The following ATXN10 variants were observed in gnomAD, a reference collection of about 807,000 sequenced individuals.
The protein encoded by ATXN10 is ataxin 10, also known as ataxin-10.
Under a neutral mutation model 52.9 loss-of-function variants are expected in ATXN10, and 28 were observed. The ratio of observed to expected loss-of-function variants is 0.53; its 90% CI spans 0.39 to 0.73. The LOEUF (loss-of-function observed/expected upper bound fraction) is 0.73, where lower values mean the gene tolerates loss of function less well. Among genes scored for constraint, ATXN10 ranks in the 30% least tolerant of loss-of-function variants. The pLI is 0.00. For missense variants in ATXN10, 565 were observed against 577.0 expected, an observed-to-expected ratio of 0.98 and a Z score of 0.21; for synonymous variants, 226 against 221.5, an observed-to-expected ratio of 1.02 and a Z score of -0.18.
rs1928702816 is a variant in ATXN10 at position 45,823,030 on chromosome 22, C to G, written c.1237+16008C>G. Reference sequence around the variant, plus strand: ...TCCCATCCATCTTTGTTCTTACTTTCCTCATGGTGTCTTATTATTTCATTG... The same window carrying G: ...TCCCATCCATCTTTGTTCTTACTTTGCTCATGGTGTCTTATTATTTCATTG... On this transcript the variant is annotated intron_variant, in intron 10 of 11. Coordinates refer to ENST00000252934, the MANE Select transcript of ATXN10 (RefSeq NM_013236.4). The surrounding 1 kb of genome is among the most constrained non-coding windows in gnomAD (Gnocchi z 4.9). The G allele has an allele frequency of 3.0e-6, 1 of 328,814 alleles. No individual in the cohort carries two copies. The highest frequency in any genetic ancestry group is 6.3e-6 in the Non-Finnish European group (1 of 158,350). The allele number at this position is 328,814 out of a possible 1,614,324, so 20.4% of individuals were successfully genotyped here.
intron 2 of ATXN10, 76 bp from the exon 3 acceptor site, chr22:45,692,920 T>C (rs1297918117): frequency 6.7e-6 from 8 of 1,186,006 alleles, no homozygotes; most frequent in African/African-American, 3.0e-5. Context: ...AGCTCTCCCA[T>C]TGTAGTGCAA....
rs1256821863 is a variant in ATXN10, at chr22:45,828,330, A to T, written c.1238-14661A>T. Among the ~76,000 whole-genome samples, 1 of 152,144 alleles carries T rather than the reference A, an allele frequency of 6.6e-6. No homozygotes were observed. The highest frequency in any genetic ancestry group is 1.5e-5 in the Non-Finnish European group (1 of 68,028). On this transcript the variant is annotated intron_variant, in intron 10 of 11. Coordinates refer to ENST00000252934, the MANE Select transcript of ATXN10 (RefSeq NM_013236.4). This position sits in a 1 kb window ranked among gnomAD's most constrained non-coding sequence, Gnocchi z 4.5. ...TTTATAGCTATAAATGCTTACATTA[A>T]AAAATAAGAAAGTTCAAAGAACTAG...
chr22:45,777,980 TA>T (rs1601640066), intron 9 of ATXN10, among the ~76,000 whole-genome samples: 1 of 152,218 alleles, frequency 6.6e-6, no homozygotes, highest in Admixed American at 6.5e-5. Context: ...TATTTGTAAA[TA>T]AAGTTTTATT....
chr22:45,699,056 G>A (rs1601594712), intron 3 of ATXN10, among the ~76,000 whole-genome samples: 1 of 152,064 alleles, frequency 6.6e-6, no homozygotes, highest in African/African-American at 2.4e-5. Context: ...AATTGCAGTG[G>A]TATGACGAAT....
chr22:45,764,447 A>T (rs960552174), intron 9 of ATXN10, among the ~76,000 whole-genome samples: 3 of 152,070 alleles, frequency 2.0e-5, no homozygotes, highest in African/African-American at 7.2e-5. Flanking sequence ...CTCAAAAGAC[A>T]TCTCCCTTGC....
chr22:45,812,441 T>TATGTGTGCGTGTGC (rs1474729539), intron 10 of ATXN10, among the ~76,000 whole-genome samples: 1 of 152,160 alleles, frequency 6.6e-6, no homozygotes, highest in Non-Finnish European at 1.5e-5. Context: ...GAAATATGTG[T>TATGTGTGCGTGTGC]ATGTGTGCGT....
chr22:45,812,695 T>C (rs887175292), intron 10 of ATXN10, among the ~76,000 whole-genome samples: 2 of 152,218 alleles, frequency 1.3e-5, no homozygotes, highest in African/African-American at 4.8e-5. Context: ...TAGGAATTAG[T>C]GCTGGTGTCG....
Position 45,843,018 on chromosome 22 carries a change from T to TCCGAAACCTTACCGAAGACAACAG in ATXN10, c.1268_1291dup (p.Arg423_Ser430dup). 6.2e-7 allele frequency: 1 copy of TCCGAAACCTTACCGAAGACAACAG among 1,614,174 alleles called. No homozygotes were observed. On this transcript the variant is annotated inframe_insertion, in exon 11 of 12. Transcript: ENST00000252934. This position sits in a 1 kb window ranked among gnomAD's most constrained non-coding sequence, Gnocchi z 4.5. ...CTGACCCAGTGGGTGATATATGCCATCCGAAACCTTACCGAAGACAACAGC... is the reference window on the plus strand; with the variant it reads ...CTGACCCAGTGGGTGATATATGCCATCCGAAACCTTACCGAAGACAACAGCCGAAACCTTACCGAAGACAACAGC...
intron 9 of ATXN10, among the ~76,000 whole-genome samples, chr22:45,798,077 C>T (rs1365387740): frequency 1.3e-5 from 2 of 152,176 alleles, no homozygotes; most frequent in South Asian, 2.1e-4. Context: ...ATAGTTTCAG[C>T]AGTGAATTCT....
chr22:45,739,806 G>C (rs139019212), intron 8 of ATXN10, among the ~76,000 whole-genome samples: 209 of 152,326 alleles, frequency 1.4e-3, no homozygotes, highest in African/African-American at 4.8e-3. Flanking sequence ...AAGATTGTCT[G>C]TTTTCATTGG....
chr22:45,789,118 A>G lies in ATXN10; in HGVS notation c.1174-17841A>G, dbSNP rs1444571646. Among the ~76,000 whole-genome samples the G allele has an allele frequency of 1.3e-5, 2 of 152,206 alleles. No homozygotes were observed. The highest frequency in any genetic ancestry group is 2.9e-5 in the Non-Finnish European group (2 of 68,036). ...CTGTATCAGTGCTTCTTCAGACTGT[A>G]TCAGCACATCTTCATGAGCTGAAAG... On this transcript the variant is annotated intron_variant, in intron 9 of 11. Transcript: ENST00000252934. This position sits in a 1 kb window ranked among gnomAD's most constrained non-coding sequence, Gnocchi z 4.0.
At chr22:45,806,388 ATTG>A (rs1294372980) in intron 9 of ATXN10, among the ~76,000 whole-genome samples, 1 of 152,046 alleles carries the variant, frequency 6.6e-6, no homozygotes, top group Non-Finnish European at 1.5e-5. Flanking sequence ...TTTCTATTGT[ATTG>A]TTGGTGGTGT....
At chr22:45,799,117 G>A (rs932977631) in intron 9 of ATXN10, among the ~76,000 whole-genome samples, 1 of 149,276 alleles carries the variant, frequency 6.7e-6, no homozygotes, top group Non-Finnish European at 1.5e-5. Context: ...TTTCACTCTT[G>A]TTACTCAGGC....
intron 6 of ATXN10, among the ~76,000 whole-genome samples, chr22:45,721,586 C>G (rs1206196413): frequency 6.6e-6 from 1 of 152,168 alleles, no homozygotes; most frequent in African/African-American, 2.4e-5. Flanking sequence ...TGAGCTATTG[C>G]TATTTCTGCT....
chr22:45,805,138 C>T lies in ATXN10; in HGVS notation c.1174-1821C>T, dbSNP rs7285103. Among the ~76,000 whole-genome samples the T allele has an allele frequency of 1.3e-5, 2 of 152,144 alleles. No homozygotes were observed. Among genetic ancestry groups the T allele is most frequent in the South Asian group, 4.1e-4 (2 of 4,824 alleles). On this transcript the variant is annotated intron_variant, in intron 9 of 11. Transcript: ENST00000252934. This position sits in a 1 kb window ranked among gnomAD's most constrained non-coding sequence, Gnocchi z 4.4. ...CCAGTATCATTAGTCATCAGAAATG[C>T]GCATCAAAACCACAATGGCATACCA...
At position 45,833,665 on chromosome 22, in the gene ATXN10, A is replaced by G. The variant is rs1929065388; in HGVS notation, c.1238-9326A>G. On this transcript the variant is annotated intron_variant, in intron 10 of 11. Transcript: ENST00000252934. The surrounding 1 kb of genome is among the most constrained non-coding windows in gnomAD (Gnocchi z 4.3). ...TGCAGAGATAGTTACTCTGACTGGT[A>G]TCTGCAAGTTTATCACTTGGGATTT... Among the ~76,000 whole-genome samples the G allele has an allele frequency of 6.6e-6, 1 of 152,216 alleles. No individual in the cohort carries two copies. Among genetic ancestry groups the G allele is most frequent in the African/African-American group, 2.4e-5 (1 of 41,450 alleles).
chr22:45,758,717 G>A (rs534658066), intron 9 of ATXN10, among the ~76,000 whole-genome samples: 1 of 152,374 alleles, frequency 6.6e-6, no homozygotes, highest in East Asian at 1.9e-4. Context: ...AGCGCCAGGA[G>A]CTGTAACTGA....
rs538226325 is a variant in ATXN10, at chr22:45,693,549, G to A, written c.391+471G>A. Reference sequence around the variant, plus strand: ...GGCACTAATCCCATTCACGAGGGCTGCACCATCATGACCTAGTCACTTCCC... The same window carrying A: ...GGCACTAATCCCATTCACGAGGGCTACACCATCATGACCTAGTCACTTCCC... On this transcript the variant is annotated intron_variant, in intron 3 of 11. Coordinates refer to ENST00000252934, the MANE Select transcript of ATXN10 (RefSeq NM_013236.4). 2.0e-5 allele frequency among the ~76,000 whole-genome samples: 3 copies of A among 152,260 alleles called. No individual in the cohort carries two copies. The South Asian group carries it at 6.2e-4, about 32-fold the overall frequency.
At chr22:45,814,888 T>A (rs1928405550) in intron 10 of ATXN10, among the ~76,000 whole-genome samples, 1 of 152,204 alleles carries the variant, frequency 6.6e-6, no homozygotes, top group Non-Finnish European at 1.5e-5. Flanking sequence ...GCATGCTCCT[T>A]ATGAGAATCT....
Sources: gnomAD v4.1 joint callset for allele counts (sites outside exome capture counted in the v4.1 genomes callset) on GRCh38, gnomAD v4.1.1 for gene constraint, Gnocchi (gnomAD v3.1) non-coding constraint, MANE v1.5 for transcripts, NCBI Gene and HGNC (gene_info 2026-07-23, HGNC 2026-07-21) for gene names.